Variants in ADRA1D observed in about 807,000 individuals in gnomAD.
ADRA1D encodes adrenoceptor alpha 1D.
ADRA1D carries 22 observed loss-of-function variants against 18.6 expected under a neutral mutation model. The observed-to-expected ratio is 1.19, with a 90% confidence interval of 0.85 to 1.69. ADRA1D has a LOEUF of 1.69. Among genes scored for constraint, ADRA1D ranks in the 40% most tolerant of loss-of-function variants. ADRA1D has a pLI of 0.00. For synonymous variants in ADRA1D, 376 were observed against 388.2 expected (o/e 0.97, Z 0.37); for missense variants, 840 against 840.7 (o/e 1.00, Z 0.01).
At chr20:4,223,198 G>A (rs983246743) in intron 1 of ADRA1D, among the ~76,000 whole-genome samples, 3 of 151,734 alleles carry the variant, frequency 2.0e-5, no homozygotes, top group African/African-American at 7.3e-5. Context: ...TTCAGCAAAT[G>A]GTCCTAGAAC....
intron 1 of ADRA1D, among the ~76,000 whole-genome samples, chr20:4,246,109 C>T (rs982300284): frequency 4.6e-5 from 7 of 152,236 alleles, no homozygotes; most frequent in African/African-American, 1.7e-4. Flanking sequence ...GGAGGCAGAG[C>T]TGGGATTGGC....
Position 4,247,964 on chromosome 20 carries a change from AGCTGCGGAAGGTGTG to A in ADRA1D, c.979_993del (p.His327_Ser331del). 15 of 1,588,784 alleles carry A rather than the reference AGCTGCGGAAGGTGTG, an allele frequency of 9.4e-6. No individual in the cohort carries two copies. The highest frequency in any genetic ancestry group is 1.3e-5 in the Non-Finnish European group (15 of 1,168,332). On this transcript the variant is annotated inframe_deletion, in exon 1 of 2. Coordinates refer to ENST00000379453, the MANE Select transcript of ADRA1D (RefSeq NM_000678.4). ...AACTTGAGCAGGCGCACGGAGAGCG[AGCTGCGGAAGGTGTG>A]GCCCTTGGCGCTGCGCATGCCGTGC...
intron 1 of ADRA1D, among the ~76,000 whole-genome samples, chr20:4,242,287 T>C (rs1429858432): frequency 2.0e-5 from 3 of 152,214 alleles, no homozygotes; most frequent in African/African-American, 4.8e-5. Flanking sequence ...TATGGATACA[T>C]GGTTTATTTA....
At chr20:4,226,076 A>G (rs1980792327) in intron 1 of ADRA1D, among the ~76,000 whole-genome samples, 1 of 152,248 alleles carries the variant, frequency 6.6e-6, no homozygotes, top group African/African-American at 2.4e-5. Flanking sequence ...TCAGTGGACT[A>G]TGCTTTTCAG....
intron 1 of ADRA1D, among the ~76,000 whole-genome samples, chr20:4,231,066 C>CTTTCTTTCTT (rs778795892): frequency 0.04 from 3,742 of 94,632 alleles, 127 homozygotes; most frequent in East Asian, 0.072. Context: ...TTCTTTCTTT[C>CTTTCTTTCTT]TCTCTCTCTC....
At chr20:4,247,177 T>A (rs555274823) in intron 1 of ADRA1D, among the ~76,000 whole-genome samples, 25 of 152,006 alleles carry the variant, frequency 1.6e-4, no homozygotes, top group Admixed American at 7.2e-4. Flanking sequence ...TCGGAAGAGC[T>A]CAAGGACTCA....
chr20:4,221,811 C>A lies in ADRA1D; in HGVS notation c.1431G>T (p.Thr477=), dbSNP rs1206532816. ...LPDPDPEPPG[T]PEMQAPVASR... ...TGGCGACCGGAGCCTGCATCTCGGG[C>A]GTGCCTGGGGGTTCGGGGTCGGGGT... Residue 477 remains threonine, a synonymous_variant, in exon 2 of 2, where the codon ACG becomes ACT. Transcript: ENST00000379453. The A allele has an allele frequency of 1.6e-6, 2 of 1,264,646 alleles. No homozygotes were observed. Among genetic ancestry groups the A allele is most frequent in the East Asian group, 5.6e-5 (1 of 17,970 alleles). 78.3% of individuals were successfully genotyped at this position (1,264,646 alleles called of 1,614,324 possible).
rs1420573611 is a variant in ADRA1D at position 4,249,136 on chromosome 20, G to T, written c.-179C>A. 1 of 394,380 alleles carries T rather than the reference G, an allele frequency of 2.5e-6. No homozygotes were observed. The highest frequency in any genetic ancestry group is 3.6e-6 in the Non-Finnish European group (1 of 276,480). 24.4% of individuals were successfully genotyped at this position (394,380 alleles called of 1,614,324 possible). On this transcript the variant is annotated 5_prime_UTR_variant, in exon 1 of 2. Transcript: ENST00000379453. ...GTCCGAGAGCGGAGCTGCCTGGCCC[G>T]GGCGGCGGCCGGGCTCCCCGAGGCC...
At position 4,221,809 on chromosome 20, in the gene ADRA1D, G is replaced by C. The variant is rs750442534; in HGVS notation, c.1433C>G (p.Pro478Arg). ...PDPDPEPPGT[P>R]EMQAPVASRR... ...GCTGGCGACCGGAGCCTGCATCTCG[G>C]GCGTGCCTGGGGGTTCGGGGTCGGG... is the stretch of plus-strand genomic sequence containing the variant. The change falls in exon 2 of 2, where the codon CCC becomes CGC. Residue 478 changes from proline (P) to arginine (R), a missense_variant. Transcript: ENST00000379453. 1.4e-5 allele frequency: 22 copies of C among 1,550,210 alleles called. No homozygotes were observed. The South Asian group carries it at 2.2e-4, about 16-fold the overall frequency.
In ADRA1D at chr20:4,221,343, T is replaced by C; in HGVS notation, c.*180A>G. On this transcript the variant is annotated 3_prime_UTR_variant, in exon 2 of 2. Transcript: ENST00000379453. ...AGTCCAGCAGGGGGCCCCACTACTT[T>C]TCACCTTTCAAGGGCTCCAGCCTCA... 2 of 666,126 alleles carry C rather than the reference T, an allele frequency of 3.0e-6. No individual in the cohort carries two copies. Among genetic ancestry groups the C allele is most frequent in the Non-Finnish European group, 4.7e-6 (2 of 422,564 alleles). 41.3% of individuals were successfully genotyped at this position (666,126 alleles called of 1,614,324 possible). A position where few individuals can be genotyped will look rare whatever the true frequency, so the allele number is the denominator to read the frequency against.
rs1009393655 is a variant in ADRA1D at position 4,221,411 on chromosome 20, T to C, written c.*112A>G. On this transcript the variant is annotated 3_prime_UTR_variant, in exon 2 of 2. Coordinates refer to ENST00000379453, the MANE Select transcript of ADRA1D (RefSeq NM_000678.4). ...CAGGGATGTCACAGAGCAGCTGCCCTGATCAGTTTCCGGGTCTCCGATTTG... is the reference window on the plus strand; with the variant it reads ...CAGGGATGTCACAGAGCAGCTGCCCCGATCAGTTTCCGGGTCTCCGATTTG... The C allele has an allele frequency of 2.5e-6, 3 of 1,189,172 alleles. No individual in the cohort carries two copies. The highest frequency in any genetic ancestry group is 1.2e-6 in the Non-Finnish European group (1 of 842,204). 73.7% of individuals were successfully genotyped at this position (1,189,172 alleles called of 1,614,324 possible).
At chr20:4,227,780 C>CT (rs1001364095) in intron 1 of ADRA1D, among the ~76,000 whole-genome samples, 22 of 123,262 alleles carry the variant, frequency 1.8e-4, no homozygotes, top group South Asian at 5.3e-4. Flanking sequence ...CTCTTTCTTT[C>CT]TTTTTTTTTG....
At chr20:4,225,583 G>A (rs555754006) in intron 1 of ADRA1D, among the ~76,000 whole-genome samples, 4 of 151,278 alleles carry the variant, frequency 2.6e-5, no homozygotes, top group South Asian at 2.1e-4. Flanking sequence ...CATCATATTC[G>A]GCTACTTTTT....
rs1214934214 is a variant in ADRA1D at position 4,246,525 on chromosome 20, G to A, written c.1111+1322C>T. ...AACCAGAAAGGGTCAGAGGGGAGGA[G>A]CCCAGAGCAGAGGGAAGCGGCAAGA... On this transcript the variant is annotated intron_variant, in intron 1 of 1. Transcript: ENST00000379453. 2.0e-5 allele frequency among the ~76,000 whole-genome samples: 3 copies of A among 152,148 alleles called. No individual in the cohort carries two copies. In the East Asian group the frequency reaches 5.8e-4, roughly 29 times the overall value.
In ADRA1D at chr20:4,239,647, G is replaced by A. The variant is rs567487470; in HGVS notation, c.1111+8200C>T. On this transcript the variant is annotated intron_variant, in intron 1 of 1. Transcript: ENST00000379453. The surrounding 1 kb of genome is among the most constrained non-coding windows in gnomAD (Gnocchi z 4.9). ...AAAGATCTCAGAAGCCAACTGGAAGGAGTACCCACTGGCCAAGCCCAAAAC... is the reference window on the plus strand; with the variant it reads ...AAAGATCTCAGAAGCCAACTGGAAGAAGTACCCACTGGCCAAGCCCAAAAC... 2.6e-5 allele frequency among the ~76,000 whole-genome samples: 4 copies of A among 152,280 alleles called. No homozygotes were observed. In the South Asian group the frequency reaches 6.2e-4, roughly 24 times the overall value.
chr20:4,231,085 T>C (rs904432386), intron 1 of ADRA1D, among the ~76,000 whole-genome samples: 26,347 of 81,596 alleles, frequency 0.32, 3,310 homozygotes, highest in East Asian at 0.66. Flanking sequence ...TCTCTCTCTT[T>C]TCTTTTCTTT....
chr20:4,221,833 G>GGGTCGGGGAGCGC lies in ADRA1D; in HGVS notation c.1396_1408dup (p.Pro470ArgfsTer123). ...GGGCGTGCCTGGGGGTTCGGGGTCG[G>GGGTCGGGGAGCGC]GGTCGGGGAGCGCGGTGAGGGCCAG... On this transcript the variant is annotated frameshift_variant, in exon 2 of 2. Transcript: ENST00000379453. LOFTEE classifies it low-confidence loss of function (END_TRUNC). The GGGTCGGGGAGCGC allele has an allele frequency of 6.7e-7, 1 of 1,501,380 alleles. No individual in the cohort carries two copies. Among genetic ancestry groups the GGGTCGGGGAGCGC allele is most frequent in the Non-Finnish European group, 8.8e-7 (1 of 1,131,238 alleles). 93.0% of individuals were successfully genotyped at this position (1,501,380 alleles called of 1,614,324 possible).
chr20:4,238,441 G>C (rs1225852557), intron 1 of ADRA1D, among the ~76,000 whole-genome samples: 2 of 152,220 alleles, frequency 1.3e-5, no homozygotes, highest in Non-Finnish European at 2.9e-5. Context: ...AGAAAGCTCT[G>C]GACATGTCGA....
chr20:4,241,573 T>C (rs1367562999), intron 1 of ADRA1D, among the ~76,000 whole-genome samples: 2 of 152,170 alleles, frequency 1.3e-5, no homozygotes, highest in Non-Finnish European at 2.9e-5. Context: ...TGAGCACCTA[T>C]TATGTTCCAG....
Sources: gnomAD v4.1 joint callset for allele counts (sites outside exome capture counted in the v4.1 genomes callset) on GRCh38, gnomAD v4.1.1 for gene constraint, Gnocchi (gnomAD v3.1) non-coding constraint, MANE v1.5 for transcripts, NCBI Gene and HGNC (gene_info 2026-07-23, HGNC 2026-07-21) for gene names.